The following ERC2 variants were observed in gnomAD, a reference collection of about 807,000 sequenced individuals.
ERC2 encodes ELKS/RAB6-interacting/CAST family member 2.
A neutral mutation model predicts 114.8 loss-of-function variants in ERC2; 42 were observed. That is an observed-to-expected ratio of 0.37 (90% CI 0.29 to 0.47). ERC2 has a LOEUF of 0.47. Among genes scored for constraint, ERC2 ranks in the 20% least tolerant of loss-of-function variants. The pLI, the probability that ERC2 is intolerant of heterozygous loss-of-function variation, is 0.99. For synonymous variants in ERC2, 454 were observed against 425.5 expected, an observed-to-expected ratio of 1.07 and a Z score of -0.82; for missense variants, 939 against 1,150.7, an observed-to-expected ratio of 0.82 and a Z score of 2.66.
chr3:55,548,667 G>C (rs913041265), intron 17 of ERC2, among the ~76,000 whole-genome samples: 1 of 152,220 alleles, frequency 6.6e-6, no homozygotes, highest in African/African-American at 2.4e-5. Flanking sequence ...ACAATCAAAA[G>C]CTGGGTGTCC....
intron 13 of ERC2, among the ~76,000 whole-genome samples, chr3:55,944,740 C>T (rs920195826): frequency 1.3e-5 from 2 of 152,124 alleles, no homozygotes; most frequent in African/African-American, 2.4e-5. Flanking sequence ...TTTCTGAGAC[C>T]GCCTACAGGG....
At position 56,247,044 on chromosome 3, in the gene ERC2, T is replaced by C. The variant is rs1341360094; in HGVS notation, c.1074+48975A>G. On this transcript the variant is annotated intron_variant, in intron 3 of 17. Coordinates refer to ENST00000288221, the MANE Select transcript of ERC2 (RefSeq NM_015576.3). The stretch of plus-strand genomic sequence containing the variant: ...AGCAGTCACTGCCTTGGGTATGCAT[T>C]CATAGAGTACCTGCAGGGTGCAGAG... 1.3e-5 allele frequency among the ~76,000 whole-genome samples: 2 copies of C among 152,226 alleles called. 1 individual carries two copies. The highest frequency in any genetic ancestry group is 4.8e-5 in the African/African-American group (2 of 41,450).
At chr3:55,682,022 G>C (rs78078220) in intron 17 of ERC2, among the ~76,000 whole-genome samples, 2,410 of 152,312 alleles carry the variant, frequency 0.016, 21 homozygotes, top group Middle Eastern at 0.027. Context: ...CAAGACAACT[G>C]CCAAACTCTT....
intron 17 of ERC2, among the ~76,000 whole-genome samples, chr3:55,617,608 A>G (rs899461089): frequency 6.6e-6 from 1 of 152,186 alleles, no homozygotes. Context: ...TAACTCTGCC[A>G]AGATGATAAA....
intron 13 of ERC2, among the ~76,000 whole-genome samples, chr3:55,890,012 CAA>C (rs1474838314): frequency 2.0e-5 from 3 of 151,924 alleles, no homozygotes; most frequent in African/African-American, 4.8e-5. Flanking sequence ...AAGCCAAAAC[CAA>C]AAAGAGTTTA....
chr3:56,219,253 C>T (rs2049729977), intron 3 of ERC2, among the ~76,000 whole-genome samples: 1 of 152,102 alleles, frequency 6.6e-6, no homozygotes, highest in Non-Finnish European at 1.5e-5. Context: ...TGTAACCAAA[C>T]ACCACCTGCT....
intron 13 of ERC2, among the ~76,000 whole-genome samples, chr3:55,919,259 G>T (rs2065277591): frequency 6.6e-6 from 1 of 152,122 alleles, no homozygotes; most frequent in Admixed American, 6.5e-5. Flanking sequence ...CATGCCTGCA[G>T]TCCTAGCTAC....
chr3:55,845,683 T>G (rs2061333264), intron 14 of ERC2, among the ~76,000 whole-genome samples: 1 of 152,244 alleles, frequency 6.6e-6, no homozygotes, highest in African/African-American at 2.4e-5. Flanking sequence ...AATCCATTTT[T>G]TGCAATGAGT....
intron 17 of ERC2, among the ~76,000 whole-genome samples, chr3:55,557,113 C>T (rs2055669892): frequency 6.6e-6 from 1 of 152,184 alleles, no homozygotes; most frequent in African/African-American, 2.4e-5. Context: ...TCTGCTGACA[C>T]ACAAGGAGTG....
At chr3:56,162,391 G>A (rs560692548) in intron 4 of ERC2, among the ~76,000 whole-genome samples, 1 of 152,168 alleles carries the variant, frequency 6.6e-6, no homozygotes, top group East Asian at 1.9e-4. Flanking sequence ...TACTGACGTT[G>A]TAGAATGAGT....
At chr3:56,024,293 C>G (rs183448981) in intron 7 of ERC2, among the ~76,000 whole-genome samples, 1 of 152,320 alleles carries the variant, frequency 6.6e-6, no homozygotes, top group East Asian at 1.9e-4. Context: ...CTGCTGAAAA[C>G]TAGACATCGA....
chr3:56,006,149 G>A (rs888213224), intron 10 of ERC2, among the ~76,000 whole-genome samples: 14 of 151,948 alleles, frequency 9.2e-5, no homozygotes, highest in African/African-American at 4.8e-5. Context: ...TTCTTAGTGT[G>A]AAATTTCTCA....
intron 3 of ERC2, among the ~76,000 whole-genome samples, chr3:56,221,667 G>A (rs2049920233): frequency 6.6e-6 from 1 of 152,210 alleles, no homozygotes; most frequent in African/African-American, 2.4e-5. Context: ...CACTTTGGGA[G>A]GCCGAGGCGG....
intron 14 of ERC2, among the ~76,000 whole-genome samples, chr3:55,820,272 A>G (rs958852237): frequency 6.6e-6 from 1 of 152,192 alleles, no homozygotes; most frequent in African/African-American, 2.4e-5. Flanking sequence ...TCTGAGGCAT[A>G]AGGGAGTAAA....
intron 6 of ERC2, among the ~76,000 whole-genome samples, chr3:56,110,873 T>C (rs1032510742): frequency 1.3e-5 from 2 of 152,204 alleles, no homozygotes; most frequent in Non-Finnish European, 2.9e-5. Flanking sequence ...CTGCATCTCA[T>C]GTCTGCCAAG....
intron 17 of ERC2, among the ~76,000 whole-genome samples, chr3:55,677,340 T>TA (rs146952167): frequency 0.012 from 1,757 of 152,280 alleles, 32 homozygotes; most frequent in Admixed American, 0.05. Context: ...TAAGGCCTGC[T>TA]ATGTAGGTGG....
At chr3:56,332,971 CAG>C (rs2057693527) in intron 2 of ERC2, among the ~76,000 whole-genome samples, 2 of 152,176 alleles carry the variant, frequency 1.3e-5, no homozygotes, top group South Asian at 4.1e-4. Context: ...AAAGAAAGAA[CAG>C]AGAATTTCTC....
intron 14 of ERC2, among the ~76,000 whole-genome samples, chr3:55,742,640 T>C (rs537270248): frequency 6.6e-6 from 1 of 152,328 alleles, no homozygotes; most frequent in African/African-American, 2.4e-5. Context: ...TCAACTTTTC[T>C]CAGCTAATTA....
chr3:55,517,729 T>C (rs1224136576), intron 17 of ERC2, among the ~76,000 whole-genome samples: 1 of 152,186 alleles, frequency 6.6e-6, no homozygotes, highest in East Asian at 1.9e-4. Flanking sequence ...GTCTTGCATA[T>C]ACTCTGGCCA....
Sources: gnomAD v4.1 joint callset for allele counts (sites outside exome capture counted in the v4.1 genomes callset) on GRCh38, gnomAD v4.1.1 for gene constraint, MANE v1.5 for transcripts, NCBI Gene and HGNC (gene_info 2026-07-23, HGNC 2026-07-21) for gene names.